The following DTNA variants were observed in gnomAD, a reference collection of about 807,000 sequenced individuals.
DTNA encodes dystrobrevin alpha, also known as dystrophin-related protein 3.
A neutral mutation model predicts 100.7 loss-of-function variants in DTNA; 43 were observed. That is an observed-to-expected ratio of 0.43 (90% CI 0.33 to 0.55). The LOEUF (loss-of-function observed/expected upper bound fraction) is 0.55, where lower values mean the gene tolerates loss of function less well. DTNA is among the 20% of genes least tolerant of loss of function. The pLI, the probability that DTNA is intolerant of heterozygous loss-of-function variation, is 0.04. For synonymous variants in DTNA, 349 were observed against 347.9 expected (o/e 1.00, Z -0.04); for missense variants, 798 against 953.9 (o/e 0.84, Z 2.15).
intron 1 of DTNA, among the ~76,000 whole-genome samples, chr18:34,620,780 A>G (rs2056335325): frequency 6.6e-6 from 1 of 152,120 alleles, no homozygotes; most frequent in South Asian, 2.1e-4. Context: ...AACTGCCCCT[A>G]TGATCCAATC....
At chr18:34,833,441 A>G (rs887187854) in intron 11 of DTNA, among the ~76,000 whole-genome samples, 1 of 150,404 alleles carries the variant, frequency 6.6e-6, no homozygotes, top group Non-Finnish European at 1.5e-5. Flanking sequence ...TGTGTGAGAA[A>G]AATTTTGGAA....
At chr18:34,784,642 G>A (rs2094447636) in intron 3 of DTNA, among the ~76,000 whole-genome samples, 2 of 152,162 alleles carry the variant, frequency 1.3e-5, no homozygotes, top group Admixed American at 1.3e-4. Flanking sequence ...ATAACACAGT[G>A]TCTTGTGGTG....
intron 1 of DTNA, among the ~76,000 whole-genome samples, chr18:34,670,472 C>T (rs929691105): frequency 4.6e-5 from 7 of 152,190 alleles, no homozygotes; most frequent in African/African-American, 1.4e-4. Flanking sequence ...TGAGGAGCTG[C>T]GTTCCTTTGG....
chr18:34,777,523 A>G (rs1021048436), intron 3 of DTNA, among the ~76,000 whole-genome samples: 33 of 152,230 alleles, frequency 2.2e-4, no homozygotes, highest in African/African-American at 6.0e-4. Context: ...TCACACTGCT[A>G]TAAAGAACTT....
In DTNA at chr18:34,858,403, G is replaced by A; in HGVS notation, c.1646+5G>A. On this transcript the variant is annotated splice_donor_5th_base_variant and intron_variant, in intron 16 of 22. Transcript: ENST00000444659. Reference sequence around the variant, plus strand: ...GGCAGAACTCCGGCTCCTCAGGTAGGAGAGAGCACCCATGTCATCTCAGGG... The same window carrying A: ...GGCAGAACTCCGGCTCCTCAGGTAGAAGAGAGCACCCATGTCATCTCAGGG... 6.2e-7 allele frequency: 1 copy of A among 1,613,844 alleles called. No individual in the cohort carries two copies. Among genetic ancestry groups the A allele is most frequent in the Admixed American group, 1.7e-5 (1 of 60,006 alleles).
At chr18:34,751,665 C>T (rs886084786) in intron 1 of DTNA, among the ~76,000 whole-genome samples, 10 of 152,158 alleles carry the variant, frequency 6.6e-5, no homozygotes, top group Admixed American at 2.6e-4. Context: ...GGAAAATTCC[C>T]GTTTATCCTT....
intron 11 of DTNA, among the ~76,000 whole-genome samples, chr18:34,829,753 A>G (rs1418956206): frequency 6.6e-6 from 1 of 152,206 alleles, no homozygotes; most frequent in African/African-American, 2.4e-5. Flanking sequence ...ATCAAGCTGG[A>G]TCTTGTTTGG....
intron 3 of DTNA, among the ~76,000 whole-genome samples, chr18:34,775,099 T>G (rs1039253576): frequency 6.6e-6 from 1 of 152,250 alleles, no homozygotes; most frequent in African/African-American, 2.4e-5. Flanking sequence ...AATTCACTCC[T>G]GTGATTAGAT....
chr18:34,717,441 G>A (rs187905916), intron 1 of DTNA, among the ~76,000 whole-genome samples: 1 of 152,310 alleles, frequency 6.6e-6, no homozygotes, highest in African/African-American at 2.4e-5. Flanking sequence ...TTTATCTACA[G>A]AAATACAGAT....
rs567782372 is a variant in DTNA at position 34,730,166 on chromosome 18, C to T, written c.-2+19721C>T. Among the ~76,000 whole-genome samples, 4 of 152,286 alleles carry T rather than the reference C, an allele frequency of 2.6e-5. No individual in the cohort carries two copies. In the South Asian group the frequency reaches 6.2e-4, roughly 24 times the overall value. On this transcript the variant is annotated intron_variant, in intron 1 of 22. Coordinates refer to ENST00000444659, the MANE Select transcript of DTNA (RefSeq NM_001386795.1). ...AACAAATCCAAGTTCTGCATTTGCT[C>T]CCCAGCTGAGTGACTGCACTGGGCA...
chr18:34,808,442 GA>G (rs940245452), intron 5 of DTNA, among the ~76,000 whole-genome samples: 6 of 152,180 alleles, frequency 3.9e-5, no homozygotes, highest in African/African-American at 1.4e-4. Context: ...ACTGGTTAGA[GA>G]AAAAGTATGA....
chr18:34,813,592 C>T (rs1014341750), intron 6 of DTNA, among the ~76,000 whole-genome samples: 1 of 152,114 alleles, frequency 6.6e-6, no homozygotes, highest in African/African-American at 2.4e-5. Context: ...AGGTGGCTCA[C>T]TCCTGTAAGC....
intron 1 of DTNA, among the ~76,000 whole-genome samples, chr18:34,584,127 A>T (rs2048897197): frequency 6.6e-6 from 1 of 152,176 alleles, no homozygotes; most frequent in African/African-American, 2.4e-5. Flanking sequence ...ACCTTCCTAG[A>T]GGGTCTGACT....
rs530511473 is a variant in DTNA at position 34,630,829 on chromosome 18, A to G, written c.-1-125147A>G. ...AAACTGTCAAAAAAAAAAGGTAGAT[A>G]TATGTGTTTGGAATTCAGAAGAATA... On this transcript the variant is annotated intron_variant, in intron 1 of 19. Transcript: ENST00000283365. Among the ~76,000 whole-genome samples the G allele has an allele frequency of 2.6e-5, 4 of 152,278 alleles. No homozygotes were observed. In the South Asian group the frequency reaches 8.3e-4, roughly 32 times the overall value.
intron 1 of DTNA, among the ~76,000 whole-genome samples, chr18:34,540,766 A>G (rs892891614): frequency 3.9e-5 from 6 of 152,102 alleles, no homozygotes; most frequent in Non-Finnish European, 7.4e-5. Flanking sequence ...TAAAAAATAG[A>G]CTTGATATCA....
intron 1 of DTNA, among the ~76,000 whole-genome samples, chr18:34,589,273 TAAAC>T (rs765498051): frequency 9.9e-5 from 15 of 152,150 alleles, no homozygotes; most frequent in South Asian, 2.1e-4. Context: ...TTACTACAGT[TAAAC>T]AAATTAATAT....
intron 20 of DTNA, 57 bp from the exon 21 acceptor site, chr18:34,882,012 C>T (rs749610852): frequency 3.9e-5 from 63 of 1,612,550 alleles, no homozygotes; most frequent in Middle Eastern, 1.6e-4. Context: ...ACATGAATCC[C>T]GCTTGTAATT....
intron 1 of DTNA, among the ~76,000 whole-genome samples, chr18:34,572,409 T>G (rs941634767): frequency 1.3e-5 from 2 of 152,214 alleles, no homozygotes; most frequent in African/African-American, 2.4e-5. Flanking sequence ...CTAACCAATT[T>G]TCCTAAGTGT....
chr18:34,768,289 A>G lies in DTNA; in HGVS notation c.148+2248A>G, dbSNP rs571097224. 4.6e-5 allele frequency among the ~76,000 whole-genome samples: 7 copies of G among 152,160 alleles called. No homozygotes were observed. In the East Asian group the frequency reaches 1.4e-3, roughly 29 times the overall value. On this transcript the variant is annotated intron_variant, in intron 3 of 22. Transcript: ENST00000444659. ...GAGATTTCCAATAAAAGACTACAAA[A>G]TGGTAAGAAGGAACGCCCCCCCAAA...
Sources: allele counts gnomAD v4.1 joint callset (sites outside exome capture counted in the v4.1 genomes callset), GRCh38; gene constraint gnomAD v4.1.1; transcripts MANE v1.5; gene names NCBI Gene and HGNC (gene_info 2026-07-23, HGNC 2026-07-21).